Variants in OSBPL9 observed in about 807,000 individuals in gnomAD.
OSBPL9 encodes the protein oxysterol binding protein like 9.
Under a neutral mutation model 106.6 loss-of-function variants are expected in OSBPL9, and 40 were observed. That is an observed-to-expected ratio of 0.38 (90% CI 0.29 to 0.49). The LOEUF is 0.49. Among genes scored for constraint, OSBPL9 ranks in the 20% least tolerant of loss-of-function variants. The pLI is 0.97. For synonymous variants in OSBPL9, 269 were observed against 295.4 expected (o/e 0.91, Z 0.92); for missense variants, 609 against 887.2 (o/e 0.69, Z 3.98).
chr1:51,669,704 T>G, intron 3 of OSBPL9, 192 bp downstream of exon 3: 1 of 667,732 alleles, frequency 1.5e-6, no homozygotes, highest in Non-Finnish European at 2.7e-6. Context: ...TAGATCGATT[T>G]GAAACGACTG....
At chr1:51,751,825 C>T (rs1220376100) in intron 8 of OSBPL9, among the ~76,000 whole-genome samples, 3 of 152,278 alleles carry the variant, frequency 2.0e-5, no homozygotes, top group South Asian at 2.1e-4. Flanking sequence ...AGCCACTCAT[C>T]GAGAACATTT....
At chr1:51,748,137 C>T (rs902974161) in intron 6 of OSBPL9, among the ~76,000 whole-genome samples, 3 of 151,932 alleles carry the variant, frequency 2.0e-5, no homozygotes, top group African/African-American at 2.4e-5. Context: ...AATTGAATCA[C>T]GTGAATTTTA....
At position 51,748,874 on chromosome 1, in the gene OSBPL9, T is replaced by A. The variant is rs546887192; in HGVS notation, c.492+476T>A. Among the ~76,000 whole-genome samples, 55 of 152,096 alleles carry A rather than the reference T, an allele frequency of 3.6e-4. No homozygotes were observed. The South Asian group carries it at 4.2e-3, about 12-fold the overall frequency. ...GCCGAGGTGGGCGGATCACCTGAGGTTGGGAGTTCCAGACCAGACTGACCA... is the reference window on the plus strand; with the variant it reads ...GCCGAGGTGGGCGGATCACCTGAGGATGGGAGTTCCAGACCAGACTGACCA... On this transcript the variant is annotated intron_variant, in intron 7 of 23. Transcript: ENST00000428468.
At chr1:51,767,473 G>A (rs776209651) in intron 12 of OSBPL9, among the ~76,000 whole-genome samples, 1 of 151,714 alleles carries the variant, frequency 6.6e-6, no homozygotes, top group Non-Finnish European at 1.5e-5. Context: ...TAATAGCTTA[G>A]TTTTTGTTGG....
rs1418046094 is a variant in OSBPL9, at chr1:51,632,176, T to A, written c.111+14955T>A. ...AATAAAATACAGTATAGTAAATATA[T>A]AAGGTAATGTACTTATTATCAAGTA... On this transcript the variant is annotated intron_variant, in intron 1 of 23. Coordinates refer to ENST00000428468, the MANE Select transcript of OSBPL9 (RefSeq NM_024586.6). Among the ~76,000 whole-genome samples the A allele has an allele frequency of 3.9e-5, 6 of 152,294 alleles. No individual in the cohort carries two copies. The East Asian group carries it at 1.2e-3, about 29-fold the overall frequency.
At chr1:51,732,532 C>T (rs1200708184) in intron 4 of OSBPL9, among the ~76,000 whole-genome samples, 1 of 152,142 alleles carries the variant, frequency 6.6e-6, no homozygotes, top group African/African-American at 2.4e-5. Context: ...TGAAGTTCTA[C>T]CACACACAGG....
intron 8 of OSBPL9, chr1:51,752,572 A>G (rs1215339233): frequency 4.4e-6 from 2 of 455,474 alleles, no homozygotes; most frequent in African/African-American, 4.0e-5. Flanking sequence ...CCATAACAAA[A>G]TACCATAGAC....
intron 3 of OSBPL9, among the ~76,000 whole-genome samples, chr1:51,672,995 T>C (rs1386912361): frequency 6.6e-6 from 1 of 152,152 alleles, no homozygotes; most frequent in African/African-American, 2.4e-5. Context: ...ACATAGATGG[T>C]ATTGAAAGCC....
intron 9 of OSBPL9, among the ~76,000 whole-genome samples, chr1:51,757,431 CTAG>C (rs774102579): frequency 3.3e-5 from 5 of 151,866 alleles, no homozygotes; most frequent in Non-Finnish European, 7.4e-5. Context: ...TATGTATTGT[CTAG>C]CATTTTATGG....
intron 3 of OSBPL9, among the ~76,000 whole-genome samples, chr1:51,701,738 C>T (rs1657306812): frequency 6.6e-6 from 1 of 151,842 alleles, no homozygotes; most frequent in African/African-American, 2.4e-5. Context: ...TGTTGGTGTA[C>T]TGCACCCATT....
At position 51,722,162 on chromosome 1, in the gene OSBPL9, AATAGATAGATAG is replaced by A. The variant is rs3991279; in HGVS notation, c.318+8117_318+8128del. On this transcript the variant is annotated intron_variant, in intron 4 of 23. Transcript: ENST00000428468. ...ATAATGAGACTCCATCTCTAAAATA[AATAGATAGATAG>A]ATAGATAGATAGATAGATAGATAGA... Among the ~76,000 whole-genome samples the A allele has an allele frequency of 8.9e-3, 1,308 of 147,072 alleles. 22 individuals carry two copies. The highest frequency in any genetic ancestry group is 0.031 in the African/African-American group (1,230 of 39,818).
At chr1:51,671,087 T>TAA (rs1649757731) in intron 3 of OSBPL9, among the ~76,000 whole-genome samples, 1 of 152,238 alleles carries the variant, frequency 6.6e-6, no homozygotes, top group African/African-American at 2.4e-5. Flanking sequence ...ATTTAAATGA[T>TAA]AAGAGTTATG....
intron 18 of OSBPL9, 30 bp downstream of exon 18, chr1:51,784,055 A>G (rs766843291): frequency 4.5e-6 from 7 of 1,548,282 alleles, no homozygotes; most frequent in African/African-American, 2.7e-5. Flanking sequence ...GTGGACTACA[A>G]TGTTATAGGA....
intron 1 of OSBPL9, among the ~76,000 whole-genome samples, chr1:51,628,672 CTTTCTTTT>C (rs1407814133): frequency 2.1e-4 from 31 of 149,532 alleles, no homozygotes; most frequent in African/African-American, 7.6e-4. Context: ...TTCAATTTAT[CTTTCTTTT>C]TTTCTTTTTT....
At chr1:51,636,003 G>T (rs974399032) in intron 1 of OSBPL9, among the ~76,000 whole-genome samples, 1 of 151,922 alleles carries the variant, frequency 6.6e-6, no homozygotes, top group African/African-American at 2.4e-5. Context: ...ATATTAATAT[G>T]CTTGGTTGTG....
chr1:51,716,001 T>C (rs924789480), intron 4 of OSBPL9, among the ~76,000 whole-genome samples: 9 of 152,244 alleles, frequency 5.9e-5, no homozygotes, highest in Non-Finnish European at 8.8e-5. Flanking sequence ...TTATTTGTTA[T>C]CAGCTGATGT....
chr1:51,785,522 A>G (rs1259534709), intron 20 of OSBPL9: 4 of 403,662 alleles, frequency 9.9e-6, no homozygotes, highest in Non-Finnish European at 1.3e-5. Context: ...TACGCTGTGA[A>G]CAGCTTGAGG....
At chr1:51,546,515 G>C in the OSBPL9 span, among the ~76,000 whole-genome samples, 1 of 151,920 alleles carries the variant, frequency 6.6e-6, no homozygotes, top group Non-Finnish European at 1.5e-5. Flanking sequence ...GGCTAACACG[G>C]TGAAAACCTG....
chr1:51,534,185 T>TA, the OSBPL9 span, among the ~76,000 whole-genome samples: 1 of 150,958 alleles, frequency 6.6e-6, no homozygotes, highest in South Asian at 2.1e-4. Flanking sequence ...GCCTGGGCGA[T>TA]AGAGTGAGAC....
Sources: gnomAD v4.1 joint callset for allele counts (sites outside exome capture counted in the v4.1 genomes callset) on GRCh38, gnomAD v4.1.1 for gene constraint, MANE v1.5 for transcripts, NCBI Gene and HGNC (gene_info 2026-07-23, HGNC 2026-07-21) for gene names.